Variants in MAGI1 observed in about 807,000 individuals in gnomAD.
The protein encoded by MAGI1 is membrane associated guanylate kinase, WW and PDZ domain containing 1.
In MAGI1, 58 loss-of-function variants were observed where a neutral mutation model predicts 139.9. The observed-to-expected ratio is 0.41, with a 90% CI of 0.34 to 0.52. MAGI1 has a LOEUF of 0.52. Among genes scored for constraint, MAGI1 ranks in the 20% least tolerant of loss-of-function variants. The pLI is 0.12. For synonymous variants in MAGI1, 812 were observed against 737.9 expected, an observed-to-expected ratio of 1.10 and a Z score of -1.63; for missense variants, 1,874 against 1,901.6, an observed-to-expected ratio of 0.99 and a Z score of 0.27.
At chr3:66,030,188 TG>T (rs1335945971) in intron 1 of MAGI1, among the ~76,000 whole-genome samples, 1 of 152,204 alleles carries the variant, frequency 6.6e-6, no homozygotes, top group Admixed American at 6.5e-5. Context: ...AGAATATTCC[TG>T]GATCAATCGG....
intron 1 of MAGI1, among the ~76,000 whole-genome samples, chr3:65,999,088 T>G (rs2066606408): frequency 6.6e-6 from 1 of 152,098 alleles, no homozygotes; most frequent in Non-Finnish European, 1.5e-5. Context: ...TATTTGAAGT[T>G]CCGGGGTACA....
chr3:65,540,709 C>A (rs1463390192), intron 2 of MAGI1, among the ~76,000 whole-genome samples: 1 of 152,174 alleles, frequency 6.6e-6, no homozygotes, highest in Non-Finnish European at 1.5e-5. Context: ...TCAGAGTATG[C>A]CCTTAAAGAG....
intron 1 of MAGI1, among the ~76,000 whole-genome samples, chr3:65,765,652 A>C (rs1039801671): frequency 6.6e-6 from 1 of 152,210 alleles, no homozygotes. Flanking sequence ...TGCTCTTTAG[A>C]AATATTCAAC....
chr3:65,936,783 G>A (rs926137688), intron 1 of MAGI1, among the ~76,000 whole-genome samples: 3 of 152,096 alleles, frequency 2.0e-5, no homozygotes, highest in Non-Finnish European at 4.4e-5. Flanking sequence ...CGAGGCTGGA[G>A]TACAGTAGCA....
In MAGI1 at chr3:65,379,750, C is replaced by G. The variant is rs533559288; in HGVS notation, c.2702-196G>C. ...ACAAATATTAACCATTCAGTATCTA[C>G]GAACATTGATCCCACCTAACACCAA... On this transcript the variant is annotated intron_variant, in intron 16 of 22. Coordinates refer to ENST00000402939, the MANE Select transcript of MAGI1 (RefSeq NM_001033057.2). Among the ~76,000 whole-genome samples the G allele has an allele frequency of 1.9e-3, 296 of 152,226 alleles. 3 individuals are homozygous for G. The highest frequency in any genetic ancestry group is 7.0e-3 in the African/African-American group (289 of 41,530).
chr3:65,943,358 G>A (rs566390877), intron 1 of MAGI1, among the ~76,000 whole-genome samples: 33 of 152,134 alleles, frequency 2.2e-4, no homozygotes, highest in African/African-American at 5.5e-4. Flanking sequence ...GGCAGATCAC[G>A]AGGTCAGGAG....
Position 65,593,495 on chromosome 3 carries a change from C to T in MAGI1, c.430+28477G>A, listed in dbSNP as rs114731789. On this transcript the variant is annotated intron_variant, in intron 2 of 22. Coordinates refer to ENST00000402939, the MANE Select transcript of MAGI1 (RefSeq NM_001033057.2). ...GAGTAGAAATCTAAATGATTTTTTA[C>T]TTCCAATAGAATATAGGATAAACTA... Among the ~76,000 whole-genome samples the T allele has an allele frequency of 5.1e-3, 776 of 152,296 alleles. 2 individuals carry two copies. The highest frequency in any genetic ancestry group is 7.7e-3 in the Non-Finnish European group (521 of 68,016).
At chr3:65,631,300 T>G (rs1415206411) in intron 1 of MAGI1, among the ~76,000 whole-genome samples, 1 of 152,236 alleles carries the variant, frequency 6.6e-6, no homozygotes, top group African/African-American at 2.4e-5. Flanking sequence ...CAGAGATCTA[T>G]TAGGTATCTT....
At chr3:65,722,827 C>A (rs573535918) in intron 1 of MAGI1, among the ~76,000 whole-genome samples, 42 of 151,774 alleles carry the variant, frequency 2.8e-4, no homozygotes, top group Non-Finnish European at 5.2e-4. Flanking sequence ...TGTAAAGGAA[C>A]AAAAGAAACA....
chr3:66,036,040 G>A (rs2068900286), intron 1 of MAGI1, among the ~76,000 whole-genome samples: 1 of 152,140 alleles, frequency 6.6e-6, no homozygotes, highest in Non-Finnish European at 1.5e-5. Context: ...ACCCTTGCCT[G>A]TCCTTCCTCC....
At chr3:65,899,397 T>A (rs974280323) in intron 1 of MAGI1, among the ~76,000 whole-genome samples, 2 of 152,206 alleles carry the variant, frequency 1.3e-5, no homozygotes, top group African/African-American at 4.8e-5. Flanking sequence ...TGTCCCATTA[T>A]GACCATTCCG....
intron 1 of MAGI1, among the ~76,000 whole-genome samples, chr3:65,913,313 T>A (rs749937051): frequency 1.3e-5 from 2 of 152,160 alleles, no homozygotes; most frequent in Non-Finnish European, 2.9e-5. Context: ...TGAAGTTCAA[T>A]TCTTTGAGAA....
At chr3:65,949,133 T>C (rs934162601) in intron 1 of MAGI1, among the ~76,000 whole-genome samples, 1 of 152,210 alleles carries the variant, frequency 6.6e-6, no homozygotes, top group African/African-American at 2.4e-5. Flanking sequence ...TATAAATTTT[T>C]ATTCACTCCA....
At chr3:65,760,683 A>C (rs1342442293) in intron 1 of MAGI1, among the ~76,000 whole-genome samples, 1 of 152,130 alleles carries the variant, frequency 6.6e-6, no homozygotes, top group African/African-American at 2.4e-5. Flanking sequence ...GTAGGGTTAC[A>C]GGCACGAGCC....
intron 1 of MAGI1, among the ~76,000 whole-genome samples, chr3:65,680,943 C>T (rs1415930244): frequency 2.6e-5 from 4 of 152,228 alleles, no homozygotes; most frequent in East Asian, 1.9e-4. Flanking sequence ...ATTTTAGTTT[C>T]GGAGTTGGGA....
intron 1 of MAGI1, among the ~76,000 whole-genome samples, chr3:65,648,316 T>TGTGTGTGC (rs71102873): frequency 2.9e-4 from 42 of 143,158 alleles, no homozygotes; most frequent in African/African-American, 1.1e-3. Flanking sequence ...TGTGTGTGTG[T>TGTGTGTGC]GCGCGTGCGC....
intron 2 of MAGI1, among the ~76,000 whole-genome samples, chr3:65,617,010 T>C (rs2083411478): frequency 6.6e-6 from 1 of 152,224 alleles, no homozygotes; most frequent in South Asian, 2.1e-4. Flanking sequence ...CCATTTAAAA[T>C]AATAGGCAAT....
intron 1 of MAGI1, among the ~76,000 whole-genome samples, chr3:66,005,850 AGAGG>A (rs1307012076): frequency 7.8e-6 from 1 of 128,238 alleles, no homozygotes; most frequent in Non-Finnish European, 1.7e-5. Context: ...AAATAAACAG[AGAGG>A]GAAAGGGCAC....
At chr3:65,429,020 G>C (rs1947277457) in intron 12 of MAGI1, among the ~76,000 whole-genome samples, 1 of 152,176 alleles carries the variant, frequency 6.6e-6, no homozygotes, top group Non-Finnish European at 1.5e-5. Flanking sequence ...CCATCAGATG[G>C]AGGAGAGGAA....
Sources: allele counts gnomAD v4.1 joint callset (sites outside exome capture counted in the v4.1 genomes callset), GRCh38; gene constraint gnomAD v4.1.1; transcripts MANE v1.5; gene names NCBI Gene and HGNC (gene_info 2026-07-23, HGNC 2026-07-21).